Variants in SGCZ observed in about 807,000 individuals in gnomAD.
SGCZ encodes the protein zeta-sarcoglycan.
A neutral mutation model predicts 41.3 loss-of-function variants in SGCZ; 40 were observed. That is an observed-to-expected ratio of 0.97 (90% confidence interval 0.75 to 1.26). The LOEUF is 1.26. Ranked by LOEUF, SGCZ falls within the 50% of genes most tolerant of loss-of-function variation. The pLI, the probability that SGCZ is intolerant of heterozygous loss-of-function variation, is 0.00. For synonymous variants in SGCZ, 206 were observed against 137.5 expected (o/e 1.50, Z -3.49); for missense variants, 552 against 369.8 (o/e 1.49, Z -4.04).
At chr8:14,456,562 A>G (rs59490599) in intron 2 of SGCZ, among the ~76,000 whole-genome samples, 10,984 of 152,234 alleles carry the variant, frequency 0.072, 1,316 homozygotes, top group African/African-American at 0.25. Flanking sequence ...AAGAAACACA[A>G]GGAGGACAAA....
chr8:14,683,093 A>G (rs1456934229), intron 1 of SGCZ, among the ~76,000 whole-genome samples: 5 of 152,210 alleles, frequency 3.3e-5, no homozygotes, highest in African/African-American at 1.2e-4. Flanking sequence ...AAATGACTGT[A>G]TATTTGGGAT....
At chr8:14,568,791 C>T (rs1027588447) in intron 1 of SGCZ, among the ~76,000 whole-genome samples, 3 of 152,142 alleles carry the variant, frequency 2.0e-5, no homozygotes, top group Non-Finnish European at 4.4e-5. Context: ...CACCGTAGTG[C>T]CATTTACTCC....
At chr8:14,933,423 T>A (rs1174866877) in intron 1 of SGCZ, among the ~76,000 whole-genome samples, 1 of 97,854 alleles carries the variant, frequency 1.0e-5, no homozygotes, top group Non-Finnish European at 2.2e-5. Context: ...TCCATATACT[T>A]TTTTTTTCTT....
chr8:14,170,668 T>C (rs1044405608), intron 4 of SGCZ, among the ~76,000 whole-genome samples: 3 of 152,140 alleles, frequency 2.0e-5, no homozygotes, highest in Admixed American at 2.0e-4. Flanking sequence ...TTTTACATTG[T>C]ATACAAACAT....
At chr8:15,118,359 G>A (rs181328479) in intron 1 of SGCZ, among the ~76,000 whole-genome samples, 3 of 148,788 alleles carry the variant, frequency 2.0e-5, no homozygotes, top group Non-Finnish European at 4.4e-5. Flanking sequence ...CTAACTGGAC[G>A]GTCTAAGTTC....
At chr8:15,013,430 G>A (rs914399777) in intron 1 of SGCZ, among the ~76,000 whole-genome samples, 8 of 152,116 alleles carry the variant, frequency 5.3e-5, no homozygotes, top group Admixed American at 2.0e-4. Flanking sequence ...CATCTATAAC[G>A]GAAAGGAATA....
At chr8:14,652,422 T>A (rs1043862766) in intron 1 of SGCZ, among the ~76,000 whole-genome samples, 21 of 151,606 alleles carry the variant, frequency 1.4e-4, no homozygotes, top group Non-Finnish European at 2.9e-5. Context: ...ACAATTCCTA[T>A]GAAGACAATG....
chr8:15,033,565 T>C (rs944884631), intron 1 of SGCZ, among the ~76,000 whole-genome samples: 1 of 151,994 alleles, frequency 6.6e-6, no homozygotes, highest in African/African-American at 2.4e-5. Context: ...CAAGCTCCTG[T>C]ACACCAAGAC....
intron 5 of SGCZ, among the ~76,000 whole-genome samples, chr8:14,112,363 G>C (rs541455953): frequency 1.0e-4 from 15 of 150,578 alleles, no homozygotes; most frequent in Non-Finnish European, 2.1e-4. Flanking sequence ...GAGGAATCCA[G>C]AGTCCATGGG....
intron 2 of SGCZ, among the ~76,000 whole-genome samples, chr8:14,433,377 T>C (rs1014817935): frequency 6.6e-6 from 1 of 152,198 alleles, no homozygotes; most frequent in Non-Finnish European, 1.5e-5. Context: ...TGCCTTTCAG[T>C]AGGAACCACC....
At chr8:15,085,859 G>A (rs2131053517) in intron 1 of SGCZ, among the ~76,000 whole-genome samples, 1 of 152,078 alleles carries the variant, frequency 6.6e-6, no homozygotes, top group South Asian at 2.1e-4. Flanking sequence ...ATACCCCTGT[G>A]GATATTTCTC....
intron 2 of SGCZ, among the ~76,000 whole-genome samples, chr8:14,384,662 C>G (rs1804502871): frequency 6.6e-6 from 1 of 152,170 alleles, no homozygotes; most frequent in Non-Finnish European, 1.5e-5. Context: ...TAGGCTCAAG[C>G]AATTGTCCTG....
intron 2 of SGCZ, among the ~76,000 whole-genome samples, chr8:14,334,027 A>T (rs1229071465): frequency 6.6e-6 from 1 of 152,118 alleles, no homozygotes; most frequent in African/African-American, 2.4e-5. Flanking sequence ...GTAAAAAATG[A>T]GCCAGGGAGG....
intron 1 of SGCZ, among the ~76,000 whole-genome samples, chr8:14,795,794 T>C (rs1801107078): frequency 6.6e-6 from 1 of 152,116 alleles, no homozygotes; most frequent in African/African-American, 2.4e-5. Context: ...TAGTACCCAT[T>C]AGTTATTTTT....
chr8:14,197,227 A>T (rs2117060747), intron 4 of SGCZ, among the ~76,000 whole-genome samples: 1 of 152,262 alleles, frequency 6.6e-6, no homozygotes, highest in South Asian at 2.1e-4. Context: ...TTAAGCAAAA[A>T]ATAATACTAA....
At chr8:14,548,322 C>G (rs759196029) in intron 2 of SGCZ, among the ~76,000 whole-genome samples, 10 of 152,108 alleles carry the variant, frequency 6.6e-5, no homozygotes, top group Admixed American at 3.9e-4. Flanking sequence ...CGAATTCTTG[C>G]AATCAACACC....
chr8:14,294,957 C>T (rs1800962830), intron 3 of SGCZ, among the ~76,000 whole-genome samples: 1 of 152,096 alleles, frequency 6.6e-6, no homozygotes, highest in African/African-American at 2.4e-5. Context: ...GATTCTCATA[C>T]ATTTATTGCA....
At chr8:14,981,646 G>A (rs1801665358) in intron 1 of SGCZ, among the ~76,000 whole-genome samples, 1 of 152,110 alleles carries the variant, frequency 6.6e-6, no homozygotes, top group South Asian at 2.1e-4. Flanking sequence ...CAACTCACAT[G>A]ATGGTGTCAA....
At chr8:14,326,455 T>C (rs28547219) in intron 2 of SGCZ, among the ~76,000 whole-genome samples, 2,328 of 152,236 alleles carry the variant, frequency 0.015, 58 homozygotes, top group African/African-American at 0.053. Context: ...CTTTAAATTT[T>C]TTAAAAAGCC....
Sources: allele counts gnomAD v4.1 joint callset (sites outside exome capture counted in the v4.1 genomes callset), GRCh38; gene constraint gnomAD v4.1.1; transcripts MANE v1.5; gene names NCBI Gene and HGNC (gene_info 2026-07-23, HGNC 2026-07-21).